WARS2: variants seen among roughly 807,000 people sequenced by gnomAD.
WARS2 encodes tryptophan--tRNA ligase, mitochondrial.
A neutral mutation model predicts 36.5 loss-of-function variants in WARS2; 28 were observed. The observed-to-expected ratio is 0.77, with a 90% confidence interval of 0.57 to 1.05. WARS2 has a LOEUF of 1.05. Among genes scored for constraint, WARS2 ranks in the 50% least tolerant of loss-of-function variants. The pLI is 0.00. For synonymous variants in WARS2, 174 were observed against 178.4 expected (o/e 0.98, Z 0.20); for missense variants, 435 against 456.8 (o/e 0.95, Z 0.44).
intron 1 of WARS2, among the ~76,000 whole-genome samples, chr1:119,136,686 T>G (rs1198878903): frequency 1.3e-5 from 2 of 152,226 alleles, no homozygotes; most frequent in East Asian, 3.8e-4. Context: ...GTGGGAACAC[T>G]ATGCCAATTT....
chr1:119,042,158 C>T, intron 4 of WARS2, 106 bp downstream of exon 4: 1 of 965,456 alleles, frequency 1.0e-6, no homozygotes, highest in Non-Finnish European at 1.6e-6. Flanking sequence ...ATGTCTGACG[C>T]TTTCTGCACT....
At chr1:119,059,410 G>T (rs1313190997) in intron 2 of WARS2, among the ~76,000 whole-genome samples, 2 of 152,090 alleles carry the variant, frequency 1.3e-5, no homozygotes, top group Admixed American at 1.3e-4. Context: ...TAATGCCTAG[G>T]TTTTCTTCTA....
At position 119,055,382 on chromosome 1, in the gene WARS2, G is replaced by A. The variant is rs947283508; in HGVS notation, c.349-9720C>T. ...AATCCCAGCACTTTGGGAGGCTGAG[G>A]AAGGTGGATTATCTGAGGTCAGGAG... is the stretch of plus-strand genomic sequence containing the variant. On this transcript the variant is annotated intron_variant, in intron 2 of 5. Transcript: ENST00000235521. Among the ~76,000 whole-genome samples, 109 of 152,262 alleles carry A rather than the reference G, an allele frequency of 7.2e-4. 1 individual carries two copies. Among genetic ancestry groups the A allele is most frequent in the African/African-American group, 2.6e-3 (107 of 41,550 alleles).
At chr1:119,086,005 T>C in intron 1 of WARS2, 2 of 1,584,604 alleles carry the variant, frequency 1.3e-6, no homozygotes, top group African/African-American at 1.3e-5. Context: ...GGCAAGGCAG[T>C]GTGGCACATA....
intron 1 of WARS2, among the ~76,000 whole-genome samples, chr1:119,088,039 G>A (rs999218906): frequency 2.6e-5 from 4 of 152,166 alleles, no homozygotes; most frequent in African/African-American, 9.7e-5. Flanking sequence ...AATTTATGCG[G>A]CCCGGGCTTT....
intron 1 of WARS2, among the ~76,000 whole-genome samples, chr1:119,127,991 C>A (rs183424535): frequency 3.9e-4 from 60 of 152,256 alleles, no homozygotes; most frequent in African/African-American, 1.3e-3. Flanking sequence ...TTGTAACTAA[C>A]CTTCTGCACT....
intron 1 of WARS2, among the ~76,000 whole-genome samples, chr1:119,095,038 T>A (rs1264139052): frequency 6.6e-6 from 1 of 152,164 alleles, no homozygotes; most frequent in Non-Finnish European, 1.5e-5. Flanking sequence ...CTATACAGAT[T>A]AATTTTCTTT....
intron 2 of WARS2, among the ~76,000 whole-genome samples, chr1:119,050,620 C>G (rs546740988): frequency 5.7e-4 from 87 of 151,868 alleles, no homozygotes; most frequent in African/African-American, 2.0e-3. Flanking sequence ...TAGTTGCATA[C>G]TGTATACAAA....
chr1:119,091,032 A>G (rs1203952885), intron 1 of WARS2, among the ~76,000 whole-genome samples: 1 of 152,252 alleles, frequency 6.6e-6, no homozygotes, highest in African/African-American at 2.4e-5. Context: ...TAAGACAGAC[A>G]ATGTTAAATG....
chr1:119,083,512 T>C (rs2101362472), intron 1 of WARS2, among the ~76,000 whole-genome samples: 1 of 152,284 alleles, frequency 6.6e-6, no homozygotes, highest in Admixed American at 6.5e-5. Context: ...AGACACCAGG[T>C]TTTTAATTTT....
At chr1:119,060,246 T>C (rs1408689040) in intron 2 of WARS2, among the ~76,000 whole-genome samples, 5 of 152,202 alleles carry the variant, frequency 3.3e-5, no homozygotes. Context: ...GAATTAATTT[T>C]CTCACAGTTC....
At chr1:119,138,816 T>C (rs1163834206) in intron 1 of WARS2, among the ~76,000 whole-genome samples, 3 of 152,206 alleles carry the variant, frequency 2.0e-5, no homozygotes, top group Non-Finnish European at 4.4e-5. Context: ...GAAACATTCA[T>C]CGGTACTGGA....
chr1:119,042,483 T>C (rs1648458192), intron 3 of WARS2, 134 bp from the exon 4 acceptor site: 2 of 730,016 alleles, frequency 2.7e-6, no homozygotes, highest in East Asian at 2.7e-5. Flanking sequence ...TATACATCGG[T>C]TCCTTTTTAG....
chr1:119,045,460 T>C (rs1648713193), intron 3 of WARS2, 122 bp downstream of exon 3: 7 of 781,004 alleles, frequency 9.0e-6, no homozygotes, highest in Non-Finnish European at 1.5e-5. Flanking sequence ...AGGTTAAAGA[T>C]GATGTTCCAA....
intron 1 of WARS2, among the ~76,000 whole-genome samples, chr1:119,101,851 C>G (rs972998124): frequency 6.6e-6 from 1 of 152,144 alleles, no homozygotes; most frequent in Non-Finnish European, 1.5e-5. Context: ...TGTGCTAGTT[C>G]TAACAACTCC....
chr1:119,082,557 C>A, intron 1 of WARS2: 2 of 506,284 alleles, frequency 4.0e-6, no homozygotes, highest in Non-Finnish European at 5.1e-6. Flanking sequence ...TGAGCTCTTG[C>A]CACTGGACTC....
At chr1:119,061,121 C>T (rs1650344531) in intron 2 of WARS2, among the ~76,000 whole-genome samples, 1 of 152,114 alleles carries the variant, frequency 6.6e-6, no homozygotes, top group Non-Finnish European at 1.5e-5. Context: ...TTTAAAATCT[C>T]TTCAATTTGT....
intron 4 of WARS2, 68 bp downstream of exon 4, chr1:119,042,196 T>G: frequency 6.8e-7 from 1 of 1,470,038 alleles, no homozygotes; most frequent in Non-Finnish European, 9.5e-7. Flanking sequence ...CAAGTCTGTA[T>G]TGAATAGGTT....
intron 2 of WARS2, 69 bp from the exon 3 acceptor site, chr1:119,045,731 G>T: frequency 8.0e-7 from 1 of 1,247,816 alleles, no homozygotes; most frequent in Non-Finnish European, 1.1e-6. Flanking sequence ...GAACTAAGTA[G>T]TAAGTATTAC....
Sources: allele counts gnomAD v4.1 joint callset (sites outside exome capture counted in the v4.1 genomes callset), GRCh38; gene constraint gnomAD v4.1.1; transcripts MANE v1.5; gene names NCBI Gene and HGNC (gene_info 2026-07-23, HGNC 2026-07-21).